CDH2: variants seen among roughly 807,000 people sequenced by gnomAD.
The protein encoded by CDH2 is cadherin-2.
In CDH2, 17 loss-of-function variants were observed where a neutral mutation model predicts 92.0. The observed-to-expected ratio is 0.18, with a 90% CI of 0.13 to 0.28. CDH2 has a LOEUF of 0.28. Ranked by LOEUF, CDH2 falls within the 10% of genes least tolerant of loss-of-function variation. CDH2 has a pLI of 1.00. For missense variants in CDH2, 862 were observed against 1,133.1 expected (o/e 0.76, Z 3.44); for synonymous variants, 419 against 415.9 (o/e 1.01, Z -0.09).
At chr18:27,994,446 G>T (rs2012519363) in intron 7 of CDH2, among the ~76,000 whole-genome samples, 1 of 152,180 alleles carries the variant, frequency 6.6e-6, no homozygotes, top group African/African-American at 2.4e-5. Context: ...GCCAAATTAA[G>T]CTATAATATA....
rs1222479503 is a variant in CDH2 at position 28,156,619 on chromosome 18, GC to G, written c.61-8836del. On this transcript the variant is annotated intron_variant, in intron 1 of 15. Coordinates refer to ENST00000269141, the MANE Select transcript of CDH2 (RefSeq NM_001792.5). ...ACAGCATGTCACCTTCCCAGGTACA[GC>G]ATGTCACCTTCCCAGGTGCAGCATG... Among the ~76,000 whole-genome samples, 806 of 92,682 alleles carry G rather than the reference GC, an allele frequency of 8.7e-3. 28 individuals carry two copies. Among genetic ancestry groups the G allele is most frequent in the Admixed American group, 0.012 (117 of 9,628 alleles). 60.8% of individuals were successfully genotyped at this position (92,682 alleles called of 152,430 possible).
chr18:28,044,829 T>A (rs1304678989), intron 2 of CDH2, among the ~76,000 whole-genome samples: 2 of 146,480 alleles, frequency 1.4e-5, no homozygotes, highest in African/African-American at 2.6e-5. Context: ...CTGAAGATTT[T>A]AAAAAGATAA....
intron 15 of CDH2, among the ~76,000 whole-genome samples, chr18:27,962,574 T>C (rs1350489600): frequency 6.6e-6 from 1 of 152,192 alleles, no homozygotes; most frequent in Non-Finnish European, 1.5e-5. Context: ...ACACCAATGA[T>C]ATGACCAGAA....
intron 15 of CDH2, among the ~76,000 whole-genome samples, chr18:27,954,250 T>C (rs770665895): frequency 1.3e-5 from 2 of 152,184 alleles, no homozygotes; most frequent in African/African-American, 2.4e-5. Context: ...CAACCTACAA[T>C]TTCTCAAAAC....
rs1463345244 is a variant in CDH2, at chr18:28,009,896, A to G, written c.547-24T>C. 1.9e-6 allele frequency: 3 copies of G among 1,585,148 alleles called. No individual in the cohort carries two copies. The Admixed American group carries it at 5.2e-5, about 27-fold the overall frequency. On this transcript the variant is annotated intron_variant, in intron 4 of 15. Coordinates refer to ENST00000269141, the MANE Select transcript of CDH2 (RefSeq NM_001792.5). ...ATCTGAGGATCAAGAAAACAATGAC[A>G]TTAAGTGAGAGACTAAATGAGCTCA...
intron 14 of CDH2, among the ~76,000 whole-genome samples, chr18:27,981,593 C>G (rs1210934289): frequency 6.6e-6 from 1 of 152,076 alleles, no homozygotes; most frequent in Non-Finnish European, 1.5e-5. Flanking sequence ...GTAAATCATG[C>G]AACTTTTTTC....
In CDH2 at chr18:28,043,890, A is replaced by ATTTTTT. The variant is rs67532914; in HGVS notation, c.173-29987_173-29982dup. On this transcript the variant is annotated intron_variant, in intron 2 of 15. Transcript: ENST00000269141. ...AGTCTCATCTTTCTCAGAATCTCGGATTTTTTTTTTTTTTTTTTTTTTTTT... is the reference window on the plus strand; with the variant it reads ...AGTCTCATCTTTCTCAGAATCTCGGATTTTTTTTTTTTTTTTTTTTTTTTTTTTTTT... Among the ~76,000 whole-genome samples the ATTTTTT allele has an allele frequency of 2.2e-3, 203 of 91,438 alleles. 21 individuals carry two copies. Among genetic ancestry groups the ATTTTTT allele is most frequent in the Non-Finnish European group, 3.3e-3 (152 of 45,992 alleles). The allele number at this position is 91,438 out of a possible 152,430, so 60.0% of individuals were successfully genotyped here.
At chr18:27,955,761 G>GTTTTTTTTTTTTTTTTATTTTTTTTTT (rs2011230518) in intron 15 of CDH2, among the ~76,000 whole-genome samples, 1 of 111,716 alleles carries the variant, frequency 9.0e-6, no homozygotes, top group Non-Finnish European at 1.8e-5. Flanking sequence ...CTTTATTTCT[G>GTTTTTTTTTTTTTTTTATTTTTTTTTT]TTTTTTTTTT....
At position 28,080,510 on chromosome 18, in the gene CDH2, C is replaced by A. The variant is rs1375476580; in HGVS notation, c.173-66601G>T. ...CTAGGTCTTTCAAAAATTAACAAAG[C>A]ATAAGACAACAGAAAAAGAAATACT... On this transcript the variant is annotated intron_variant, in intron 2 of 15. Transcript: ENST00000269141. Among the ~76,000 whole-genome samples the A allele has an allele frequency of 2.0e-5, 3 of 152,060 alleles. No homozygotes were observed. In the East Asian group the frequency reaches 5.8e-4, roughly 29 times the overall value.
chr18:27,958,776 T>G (rs1359155910), intron 15 of CDH2, among the ~76,000 whole-genome samples: 1 of 152,120 alleles, frequency 6.6e-6, no homozygotes. Flanking sequence ...AATTGAATCA[T>G]GGGGACGGTT....
rs551224146 is a variant in CDH2, at chr18:27,980,710, A to G, written c.2349+2234T>C. ...TTAAAAAAATTAGCCCCAGAGTACGATACAGATAGAATTCCAGAAAAATCT... is the reference window on the plus strand; with the variant it reads ...TTAAAAAAATTAGCCCCAGAGTACGGTACAGATAGAATTCCAGAAAAATCT... On this transcript the variant is annotated intron_variant, in intron 14 of 15. Transcript: ENST00000269141. Among the ~76,000 whole-genome samples, 3 of 151,780 alleles carry G rather than the reference A, an allele frequency of 2.0e-5. No homozygotes were observed. In the South Asian group the frequency reaches 6.3e-4, roughly 32 times the overall value.
Position 28,168,987 on chromosome 18 carries a change from T to C in CDH2, c.60+7976A>G, listed in dbSNP as rs572949685. Among the ~76,000 whole-genome samples the C allele has an allele frequency of 3.9e-5, 6 of 152,248 alleles. No individual in the cohort carries two copies. In the East Asian group the frequency reaches 1.2e-3, roughly 29 times the overall value. On this transcript the variant is annotated intron_variant, in intron 1 of 15. Transcript: ENST00000269141. ...TATGGTTTTATTCTGGATTCTCATA[T>C]TCAGAATGTTTGAGTTCCAGTTTTA...
chr18:28,138,139 G>C (rs1272488307), intron 2 of CDH2, among the ~76,000 whole-genome samples: 1 of 151,856 alleles, frequency 6.6e-6, no homozygotes, highest in Non-Finnish European at 1.5e-5. Flanking sequence ...TTCAAATGAG[G>C]ATTTAAAATA....
Position 28,005,837 on chromosome 18 carries a change from C to G in CDH2, c.847+12G>C. The G allele has an allele frequency of 3.7e-6, 6 of 1,604,196 alleles. No homozygotes were observed. Among genetic ancestry groups the G allele is most frequent in the Non-Finnish European group, 5.1e-6 (6 of 1,173,676 alleles). On this transcript the variant is annotated intron_variant, in intron 6 of 15. Transcript: ENST00000269141. ...CCTCAAGTCATCTTCAAATTATTAT[C>G]TTTAAACTTACCAGGCTTTGATCCC...
At chr18:28,082,758 T>G (rs1466195319) in intron 2 of CDH2, among the ~76,000 whole-genome samples, 2 of 152,140 alleles carry the variant, frequency 1.3e-5, no homozygotes, top group Non-Finnish European at 2.9e-5. Context: ...GAAAATATAC[T>G]TTCAAAAAAT....
At chr18:28,136,322 G>A (rs1360951944) in intron 2 of CDH2, among the ~76,000 whole-genome samples, 1 of 151,962 alleles carries the variant, frequency 6.6e-6, no homozygotes, top group Non-Finnish European at 1.5e-5. Flanking sequence ...AGGAAGGAAG[G>A]AGGAGCTTTC....
At chr18:28,009,177 G>T (rs990222685) in intron 5 of CDH2, among the ~76,000 whole-genome samples, 1 of 152,080 alleles carries the variant, frequency 6.6e-6, no homozygotes, top group African/African-American at 2.4e-5. Context: ...TAAAAACGAT[G>T]TTATACTATG....
intron 2 of CDH2, among the ~76,000 whole-genome samples, chr18:28,064,147 G>T (rs1217025432): frequency 6.6e-6 from 1 of 151,108 alleles, no homozygotes; most frequent in Admixed American, 6.6e-5. Flanking sequence ...GGGGGGGGTA[G>T]GTGGGGATGG....
At chr18:27,991,047 T>A (rs906467021) in intron 9 of CDH2, among the ~76,000 whole-genome samples, 7 of 152,162 alleles carry the variant, frequency 4.6e-5, no homozygotes, top group African/African-American at 1.7e-4. Context: ...AGAAAAACAC[T>A]CTAGATAAAT....
Sources: gnomAD v4.1 joint callset for allele counts (sites outside exome capture counted in the v4.1 genomes callset) on GRCh38, gnomAD v4.1.1 for gene constraint, MANE v1.5 for transcripts, NCBI Gene and HGNC (gene_info 2026-07-23, HGNC 2026-07-21) for gene names.